AZIN2: variants seen among roughly 807,000 people sequenced by gnomAD.
AZIN2 encodes the protein ODC antizyme inhibitor-2.
In AZIN2, 28 loss-of-function variants were observed where a neutral mutation model predicts 47.8. That is an observed-to-expected ratio of 0.59 (90% confidence interval 0.43 to 0.80). AZIN2 has a LOEUF of 0.80. Among genes scored for constraint, AZIN2 ranks in the 30% least tolerant of loss-of-function variants. AZIN2 has a pLI of 0.00. For missense variants in AZIN2, 535 were observed against 582.5 expected, an observed-to-expected ratio of 0.92 and a Z score of 0.84; for synonymous variants, 221 against 239.4, an observed-to-expected ratio of 0.92 and a Z score of 0.71.
At chr1:33,158,873 T>G in the AZIN2 span, among the ~76,000 whole-genome samples, 1 of 151,644 alleles carries the variant, frequency 6.6e-6, no homozygotes, top group Non-Finnish European at 1.5e-5. Flanking sequence ...AGAGTTTCGC[T>G]CTTATTGCCC....
the AZIN2 span, among the ~76,000 whole-genome samples, chr1:33,128,734 C>T: frequency 6.6e-6 from 1 of 152,210 alleles, no homozygotes; most frequent in Non-Finnish European, 1.5e-5. Flanking sequence ...TATAACTTGT[C>T]TCTCAGACCA....
At position 33,082,178 on chromosome 1, in the gene AZIN2, T is replaced by C. The variant is rs1641344622; in HGVS notation, c.-72T>C. On this transcript the variant is annotated splice_region_variant and 5_prime_UTR_variant, in exon 4 of 12. Transcript: ENST00000294517. Reference sequence around the variant, plus strand: ...CCCTTCATCTCCCCTCGCCCCGCAGTGTGTTGCATACTTTCTAAGGCGGCG... The same window carrying C: ...CCCTTCATCTCCCCTCGCCCCGCAGCGTGTTGCATACTTTCTAAGGCGGCG... The C allele has an allele frequency of 3.3e-6, 4 of 1,211,650 alleles. No homozygotes were observed. The highest frequency in any genetic ancestry group is 1.3e-5 in the South Asian group (1 of 79,784). The allele number at this position is 1,211,650 out of a possible 1,614,324, so 75.1% of individuals were successfully genotyped here.
chr1:33,116,118 G>A (rs1356263855), intron 10 of AZIN2, among the ~76,000 whole-genome samples: 1 of 152,112 alleles, frequency 6.6e-6, no homozygotes, highest in East Asian at 1.9e-4. Context: ...CATGACCACA[G>A]GAATTTTATT....
downstream of AZIN2, among the ~76,000 whole-genome samples, chr1:33,123,839 A>G (rs371068149): frequency 4.6e-5 from 7 of 152,226 alleles, no homozygotes; most frequent in African/African-American, 1.7e-4. Flanking sequence ...TCTACTAAAA[A>G]TACAAAAAAT....
At chr1:33,115,685 A>G (rs1644507990) in intron 10 of AZIN2, among the ~76,000 whole-genome samples, 2 of 152,234 alleles carry the variant, frequency 1.3e-5, no homozygotes, top group Admixed American at 1.3e-4. Flanking sequence ...CCTCGATGAC[A>G]GAGTGAGACT....
the AZIN2 span, among the ~76,000 whole-genome samples, chr1:33,140,695 C>T: frequency 1.3e-5 from 2 of 152,208 alleles, no homozygotes; most frequent in Non-Finnish European, 2.9e-5. This position sits in a 1 kb window ranked among gnomAD's most constrained non-coding sequence, Gnocchi z 4.0. Context: ...GGGCTTTGTC[C>T]TTGCTGTGGC....
intron 10 of AZIN2, among the ~76,000 whole-genome samples, chr1:33,098,701 G>T (rs1643404440): frequency 6.6e-6 from 1 of 152,078 alleles, no homozygotes; most frequent in Non-Finnish European, 1.5e-5. Context: ...GGGCATCTTT[G>T]AGAGGATAAA....
the AZIN2 span, among the ~76,000 whole-genome samples, chr1:33,130,720 G>A: frequency 6.6e-6 from 1 of 152,200 alleles, no homozygotes; most frequent in Non-Finnish European, 1.5e-5. Context: ...TAATTTTAAG[G>A]TAATTTGTTA....
chr1:33,144,380 C>T, the AZIN2 span, among the ~76,000 whole-genome samples: 7 of 152,184 alleles, frequency 4.6e-5, no homozygotes, highest in African/African-American at 1.2e-4. Flanking sequence ...TCAGGTGATC[C>T]GCCTGCCTTG....
At chr1:33,147,859 A>AAGT in the AZIN2 span, 1 of 998,120 alleles carries the variant, frequency 1.0e-6, no homozygotes, top group East Asian at 2.6e-5. This position sits in a 1 kb window ranked among gnomAD's most constrained non-coding sequence, Gnocchi z 8.1. Flanking sequence ...CCTTGAATAC[A>AAGT]AGTCTGCCCT....
At chr1:33,134,440 C>G in the AZIN2 span, among the ~76,000 whole-genome samples, 1 of 152,198 alleles carries the variant, frequency 6.6e-6, no homozygotes, top group East Asian at 1.9e-4. Flanking sequence ...AATACTGCCT[C>G]TGTTTATTTA....
At chr1:33,093,724 TTTC>T (rs1642827525) in intron 7 of AZIN2, among the ~76,000 whole-genome samples, 2 of 147,740 alleles carry the variant, frequency 1.4e-5, no homozygotes, top group Admixed American at 1.3e-4. Flanking sequence ...TTTTCTTTTC[TTTC>T]TTTCTTTTTT....
At chr1:33,132,471 C>A in the AZIN2 span, among the ~76,000 whole-genome samples, 1 of 152,218 alleles carries the variant, frequency 6.6e-6, no homozygotes, top group Non-Finnish European at 1.5e-5. Context: ...CTAAACTGTA[C>A]TTTCTGTTCC....
chr1:33,150,969 CCAGCAACA>C, the AZIN2 span, among the ~76,000 whole-genome samples: 1 of 152,102 alleles, frequency 6.6e-6, no homozygotes, highest in East Asian at 1.9e-4. Context: ...TGATTTGAGA[CCAGCAACA>C]GGCAGCAACC....
At chr1:33,143,769 C>T in the AZIN2 span, among the ~76,000 whole-genome samples, 1 of 152,182 alleles carries the variant, frequency 6.6e-6, no homozygotes, top group Non-Finnish European at 1.5e-5. Flanking sequence ...GTCCTGGGCT[C>T]CCAGGGGTGC....
chr1:33,164,620 C>A, the AZIN2 span: 5 of 152,486 alleles, frequency 3.3e-5, no homozygotes, highest in African/African-American at 1.2e-4. Context: ...TCCCAAACCA[C>A]GGTAGCCAGA....
At chr1:33,092,930 C>A (rs984787926) in intron 6 of AZIN2, among the ~76,000 whole-genome samples, 4 of 152,180 alleles carry the variant, frequency 2.6e-5, no homozygotes, top group Non-Finnish European at 5.9e-5. Context: ...CAGCTTCCAT[C>A]GTATTAATGG....
intron 9 of AZIN2, among the ~76,000 whole-genome samples, chr1:33,097,777 G>A (rs1643311192): frequency 6.6e-6 from 1 of 152,156 alleles, no homozygotes; most frequent in African/African-American, 2.4e-5. Flanking sequence ...GGGGTCTTGA[G>A]TTTGGGTGGG....
intron 10 of AZIN2, among the ~76,000 whole-genome samples, chr1:33,112,834 A>G (rs1644348388): frequency 6.6e-6 from 1 of 152,230 alleles, no homozygotes; most frequent in Non-Finnish European, 1.5e-5. Context: ...ATGTTTAGAA[A>G]AACATCCTGG....
Sources: allele counts gnomAD v4.1 joint callset (sites outside exome capture counted in the v4.1 genomes callset), GRCh38; gene constraint gnomAD v4.1.1; non-coding constraint Gnocchi (gnomAD v3.1); transcripts MANE v1.5; gene names NCBI Gene and HGNC (gene_info 2026-07-23, HGNC 2026-07-21).